CAD: variants seen among roughly 807,000 people sequenced by gnomAD.
CAD encodes carbamoyl-phosphate synthetase 2, aspartate transcarbamylase, and dihydroorotase, also known as multifunctional protein CAD.
Under a neutral mutation model 237.2 loss-of-function variants are expected in CAD, and 81 were observed. That is an observed-to-expected ratio of 0.34 (90% confidence interval 0.29 to 0.41). The LOEUF is 0.41. Among genes scored for constraint, CAD ranks in the 10% least tolerant of loss-of-function variants. The pLI, the probability that CAD is intolerant of heterozygous loss-of-function variation, is 1.00. For synonymous variants in CAD, 1,196 were observed against 1,162.8 expected, an observed-to-expected ratio of 1.03 and a Z score of -0.58; for missense variants, 2,181 against 2,951.7, an observed-to-expected ratio of 0.74 and a Z score of 6.05.
chr2:27,231,417 T>C (rs780595039), intron 15 of CAD, 51 bp from the exon 16 acceptor site: 2 of 1,055,616 alleles, frequency 1.9e-6, no homozygotes, highest in Non-Finnish European at 3.0e-6. Flanking sequence ...AGTGCCTTCT[T>C]CCCACCCCTT....
At position 27,236,181 on chromosome 2, in the gene CAD, A is replaced by T; in HGVS notation, c.4075-103A>T. On this transcript the variant is annotated intron_variant, in intron 25 of 43. Transcript: ENST00000264705. This position sits in a 1 kb window ranked among gnomAD's most constrained non-coding sequence, Gnocchi z 4.1. ...CTCAGTGCCCACCCTATGGGTCCTCAGTCTCCTCATCATGGGCTCCTGGGC... is the reference window on the plus strand; with the variant it reads ...CTCAGTGCCCACCCTATGGGTCCTCTGTCTCCTCATCATGGGCTCCTGGGC... 5 of 1,483,090 alleles carry T rather than the reference A, an allele frequency of 3.4e-6. No individual in the cohort carries two copies. The South Asian group carries it at 4.0e-5, about 12-fold the overall frequency. The allele number at this position is 1,483,090 out of a possible 1,614,324, so 91.9% of individuals were successfully genotyped here.
chr2:27,224,603 A>G, intron 9 of CAD, 113 bp downstream of exon 9: 2 of 1,544,356 alleles, frequency 1.3e-6, no homozygotes, highest in Non-Finnish European at 1.8e-6. Flanking sequence ...TGGGGAATGT[A>G]GAGAAAGATG....
chr2:27,220,718 G>A (rs1348578422), intron 2 of CAD, among the ~76,000 whole-genome samples: 1 of 151,786 alleles, frequency 6.6e-6, no homozygotes, highest in Admixed American at 6.6e-5. Flanking sequence ...AGCACTTTGG[G>A]AGGCTGAGGT....
chr2:27,226,703 A>G, intron 14 of CAD, 54 bp downstream of exon 14: 2 of 1,609,492 alleles, frequency 1.2e-6, no homozygotes, highest in Admixed American at 3.3e-5. Context: ...GGCTGAGGAA[A>G]ATATTGATGG....
Position 27,241,414 on chromosome 2 carries a change from G to C in CAD, c.5883+18G>C, listed in dbSNP as rs761787748. 2 of 1,613,678 alleles carry C rather than the reference G, an allele frequency of 1.2e-6. No homozygotes were observed. Among genetic ancestry groups the C allele is most frequent in the South Asian group, 2.2e-5 (2 of 91,082 alleles). On this transcript the variant is annotated intron_variant, in intron 38 of 43. Transcript: ENST00000264705. This position sits in a 1 kb window ranked among gnomAD's most constrained non-coding sequence, Gnocchi z 4.6. ...TCCTGAAGGTCAGGATCAGGGCCGG[G>C]GGTAGGGTCCAGGCCATCGCCTGCC...
chr2:27,217,742 C>G (rs960999626), intron 1 of CAD, 109 bp downstream of exon 1: 4 of 1,430,104 alleles, frequency 2.8e-6, no homozygotes, highest in Non-Finnish European at 3.8e-6. Flanking sequence ...TACCCCCTTC[C>G]CCCATTCGGT....
Position 27,232,697 on chromosome 2 carries a change from C to G in CAD, c.2892+3C>G. ...GCTGCATCCAGCAGCTCCGAAAGGT[C>G]AGAGAGTTCATTTTCTTTCCACTTT... is the stretch of plus-strand genomic sequence containing the variant. On this transcript the variant is annotated splice_donor_region_variant and intron_variant, in intron 18 of 43. Coordinates refer to ENST00000264705, the MANE Select transcript of CAD (RefSeq NM_004341.5). The surrounding 1 kb of genome is among the most constrained non-coding windows in gnomAD (Gnocchi z 4.1). 6.2e-7 allele frequency: 1 copy of G among 1,614,110 alleles called. No homozygotes were observed. Among genetic ancestry groups the G allele is most frequent in the Non-Finnish European group, 8.5e-7 (1 of 1,180,004 alleles).
Position 27,240,194 on chromosome 2 carries a change from G to A in CAD, c.5497-71G>A, listed in dbSNP as rs1676237111. The A allele has an allele frequency of 7.0e-6, 9 of 1,283,928 alleles. No homozygotes were observed. The highest frequency in any genetic ancestry group is 2.5e-5 in the South Asian group (2 of 80,220). The allele number at this position is 1,283,928 out of a possible 1,614,324, so 79.5% of individuals were successfully genotyped here. A position where few individuals can be genotyped will look rare whatever the true frequency, so the allele number is the denominator to read the frequency against. ...AGGTCACGCCACTGCACTCCAGCCT[G>A]AGCGACAGAACGAGACTCCGTCTCA... On this transcript the variant is annotated intron_variant, in intron 34 of 43. Transcript: ENST00000264705. The surrounding 1 kb of genome is among the most constrained non-coding windows in gnomAD (Gnocchi z 4.6).
At chr2:27,230,085 A>G (rs1364006021) in intron 15 of CAD, among the ~76,000 whole-genome samples, 1 of 151,180 alleles carries the variant, frequency 6.6e-6, no homozygotes, top group Non-Finnish European at 1.5e-5. Flanking sequence ...TAAAAATACA[A>G]AAATTACCCA....
Position 27,222,351 on chromosome 2 carries a change from T to G in CAD, c.495+15T>G. 1 of 1,601,748 alleles carries G rather than the reference T, an allele frequency of 6.2e-7. No individual in the cohort carries two copies. Among genetic ancestry groups the G allele is most frequent in the Non-Finnish European group, 8.5e-7 (1 of 1,170,160 alleles). On this transcript the variant is annotated intron_variant, in intron 4 of 43. Coordinates refer to ENST00000264705, the MANE Select transcript of CAD (RefSeq NM_004341.5). Reference sequence around the variant, plus strand: ...TCTCCATTAAGGTACAGAGGTAGAGTGGGAGAGTGTTGCAAGCTCTAGCAC... The same window carrying G: ...TCTCCATTAAGGTACAGAGGTAGAGGGGGAGAGTGTTGCAAGCTCTAGCAC...
Position 27,241,813 on chromosome 2 carries a change from C to A in CAD, c.5884-98C>A. The stretch of plus-strand genomic sequence containing the variant: ...AGGTTTGGGTGCAGAAGGGTCCTCA[C>A]AGCACCCCTCAAGTGTCAGTTGGGG... On this transcript the variant is annotated intron_variant, in intron 38 of 43. Coordinates refer to ENST00000264705, the MANE Select transcript of CAD (RefSeq NM_004341.5). This position sits in a 1 kb window ranked among gnomAD's most constrained non-coding sequence, Gnocchi z 4.6. 1.0e-6 allele frequency: 1 copy of A among 962,352 alleles called. No individual in the cohort carries two copies. The highest frequency in any genetic ancestry group is 1.6e-6 in the Non-Finnish European group (1 of 621,714). The allele number at this position is 962,352 out of a possible 1,614,324, so 59.6% of individuals were successfully genotyped here. A position where few individuals can be genotyped will look rare whatever the true frequency, so the allele number is the denominator to read the frequency against.
At position 27,231,518 on chromosome 2, in the gene CAD, C is replaced by T. The variant is rs1372329844; in HGVS notation, c.2338C>T (p.Leu780=). The T allele has an allele frequency of 1.2e-6, 2 of 1,613,920 alleles. No individual in the cohort carries two copies. ...RSFEEAFQKA[L]RMVDENCVGF... is the part of the protein sequence containing the mutation. ...ATTTGAGGAGGCCTTCCAGAAGGCCCTGCGCATGGTGGATGAGAACTGTGT... is the reference window on the plus strand; with the variant it reads ...ATTTGAGGAGGCCTTCCAGAAGGCCTTGCGCATGGTGGATGAGAACTGTGT... The change falls in exon 16 of 44, where the codon CTG becomes TTG. Residue 780 remains leucine (L), a synonymous_variant. Coordinates refer to ENST00000264705, the MANE Select transcript of CAD (RefSeq NM_004341.5).
chr2:27,217,510 C>A lies in CAD; in HGVS notation c.-42C>A. 1 of 1,525,890 alleles carries A rather than the reference C, an allele frequency of 6.6e-7. No homozygotes were observed. Among genetic ancestry groups the A allele is most frequent in the Non-Finnish European group, 8.9e-7 (1 of 1,117,482 alleles). The allele number at this position is 1,525,890 out of a possible 1,614,324, so 94.5% of individuals were successfully genotyped here. On this transcript the variant is annotated 5_prime_UTR_variant, in exon 1 of 44. Transcript: ENST00000264705. Reference sequence around the variant, plus strand: ...GGTTCCAGTGGAGTTTGCAGTCCTTCCCGCTTCTCCGTACTCGCCCCCGCC... The same window carrying A: ...GGTTCCAGTGGAGTTTGCAGTCCTTACCGCTTCTCCGTACTCGCCCCCGCC...
In CAD at chr2:27,217,610, C is replaced by A; in HGVS notation, c.59C>A (p.Ala20Asp). 1 of 1,608,092 alleles carries A rather than the reference C, an allele frequency of 6.2e-7. No individual in the cohort carries two copies. The highest frequency in any genetic ancestry group is 8.5e-7 in the Non-Finnish European group (1 of 1,177,644). ...SVLRGQPFGA[A>D]VSTAGEVVFQ... ...CTGCGGGGCCAGCCCTTTGGGGCCG[C>A]CGTGTCGACTGCCGGGGAAGTGGGT... Residue 20 changes from alanine to aspartate, a missense_variant, in exon 1 of 44, where the codon GCC becomes GAC. By Grantham distance (126) the Ala-to-Asp change is moderately radical. Coordinates refer to ENST00000264705, the MANE Select transcript of CAD (RefSeq NM_004341.5).
intron 11 of CAD, 31 bp downstream of exon 11, chr2:27,225,274 G>T (rs1218611324): frequency 2.3e-6 from 3 of 1,316,510 alleles, no homozygotes; most frequent in Non-Finnish European, 3.2e-6. Context: ...AAGGAAGAAT[G>T]GTGGTGTTTT....
chr2:27,239,508 C>T lies in CAD; in HGVS notation c.5394+37C>T, dbSNP rs142036954. On this transcript the variant is annotated intron_variant, in intron 33 of 43. Coordinates refer to ENST00000264705, the MANE Select transcript of CAD (RefSeq NM_004341.5). The surrounding 1 kb of genome is among the most constrained non-coding windows in gnomAD (Gnocchi z 4.0). ...GCCCCTGCCTGATCTCAGTAGTGCC[C>T]TCTTCTGCACCACGTTCATTTCTTC... The T allele has an allele frequency of 9.4e-6, 15 of 1,601,918 alleles. No homozygotes were observed. The highest frequency in any genetic ancestry group is 7.7e-5 in the South Asian group (7 of 90,748).
chr2:27,239,906 G>A lies in CAD; in HGVS notation c.5496+108G>A, dbSNP rs1676217700. ...CAGGAACAATTGGGGTTTTCTTGAG[G>A]GACTGAATTTGAAGTGGGGTTGGGT... On this transcript the variant is annotated intron_variant, in intron 34 of 43. Transcript: ENST00000264705. This position sits in a 1 kb window ranked among gnomAD's most constrained non-coding sequence, Gnocchi z 4.0. 7.2e-6 allele frequency: 6 copies of A among 828,302 alleles called. No homozygotes were observed. In the South Asian group the frequency reaches 9.9e-5, roughly 14 times the overall value. The allele number at this position is 828,302 out of a possible 1,614,324, so 51.3% of individuals were successfully genotyped here.
intron 2 of CAD, among the ~76,000 whole-genome samples, chr2:27,220,391 G>A (rs1308123125): frequency 1.3e-5 from 2 of 152,244 alleles, no homozygotes; most frequent in African/African-American, 2.4e-5. Context: ...CTCATGACTT[G>A]TAATCCCAGC....
Position 27,232,333 on chromosome 2 carries a change from C to CT in CAD, c.2645+111dup. The CT allele has an allele frequency of 6.4e-7, 1 of 1,572,700 alleles. No individual in the cohort carries two copies. Among genetic ancestry groups the CT allele is most frequent in the Non-Finnish European group, 8.6e-7 (1 of 1,158,474 alleles). Reference sequence around the variant, plus strand: ...GGAGAGTGTGGGAGAGCTTTAGAGGCTTCTGACCTTGGTTCCAAGGATATT... The same window carrying CT: ...GGAGAGTGTGGGAGAGCTTTAGAGGCTTTCTGACCTTGGTTCCAAGGATATT... On this transcript the variant is annotated intron_variant, in intron 17 of 43. Transcript: ENST00000264705. The surrounding 1 kb of genome is among the most constrained non-coding windows in gnomAD (Gnocchi z 4.1).
Sources: gnomAD v4.1 joint callset for allele counts (sites outside exome capture counted in the v4.1 genomes callset) on GRCh38, gnomAD v4.1.1 for gene constraint, Gnocchi (gnomAD v3.1) non-coding constraint, MANE v1.5 for transcripts, NCBI Gene and HGNC (gene_info 2026-07-23, HGNC 2026-07-21) for gene names.